Variants in DIAPH3 observed in about 807,000 individuals in gnomAD.
The protein encoded by DIAPH3 is diaphanous related formin 3.
A neutral mutation model predicts 144.3 loss-of-function variants in DIAPH3; 117 were observed. The ratio of observed to expected loss-of-function variants is 0.81; its 90% CI spans 0.70 to 0.95. The LOEUF is 0.95. DIAPH3 is among the 40% of genes least tolerant of loss of function. The pLI, the probability that DIAPH3 is intolerant of heterozygous loss-of-function variation, is 0.00. For synonymous variants in DIAPH3, 519 were observed against 488.9 expected (o/e 1.06, Z -0.81); for missense variants, 1,421 against 1,412.7 (o/e 1.01, Z -0.09).
chr13:59,812,076 A>G (rs2040505187), intron 24 of DIAPH3, among the ~76,000 whole-genome samples: 1 of 152,186 alleles, frequency 6.6e-6, no homozygotes, highest in African/African-American at 2.4e-5. Context: ...TAGGTGGCTT[A>G]TGTTGTTTCG....
chr13:59,831,908 A>G (rs2041799803), intron 24 of DIAPH3, among the ~76,000 whole-genome samples: 2 of 151,834 alleles, frequency 1.3e-5, no homozygotes, highest in African/African-American at 4.8e-5. Flanking sequence ...TTAATACTGA[A>G]AACATTTTTA....
chr13:59,999,542 C>T (rs2052403073), intron 9 of DIAPH3, among the ~76,000 whole-genome samples: 1 of 152,126 alleles, frequency 6.6e-6, no homozygotes, highest in Non-Finnish European at 1.5e-5. Context: ...GCCCCAGCTG[C>T]TACCTTCTGA....
chr13:59,714,613 T>TC (rs1297503940), intron 27 of DIAPH3, among the ~76,000 whole-genome samples: 1 of 152,026 alleles, frequency 6.6e-6, no homozygotes, highest in Non-Finnish European at 1.5e-5. Flanking sequence ...CTTTTTTTTG[T>TC]CCCCCCTTCC....
At position 59,921,390 on chromosome 13, in the gene DIAPH3, T is replaced by C. The variant is rs763820071; in HGVS notation, c.2170+3385A>G. 6.9e-4 allele frequency among the ~76,000 whole-genome samples: 104 copies of C among 151,150 alleles called. 1 individual carries two copies. Among genetic ancestry groups the C allele is most frequent in the Admixed American group, 9.9e-4 (15 of 15,184 alleles). On this transcript the variant is annotated intron_variant, in intron 18 of 27. Transcript: ENST00000400324. Reference sequence around the variant, plus strand: ...ATAAATATAGTCATAAATGAAAAGATATTACAACTGACACCACAAAAATAA... The same window carrying C: ...ATAAATATAGTCATAAATGAAAAGACATTACAACTGACACCACAAAAATAA...
intron 1 of DIAPH3, among the ~76,000 whole-genome samples, chr13:60,160,207 G>T (rs1284850003): frequency 6.6e-6 from 1 of 152,078 alleles, no homozygotes; most frequent in Non-Finnish European, 1.5e-5. Flanking sequence ...CTGGGCGACA[G>T]AGCAAGACTC....
At chr13:59,978,958 G>A (rs1422318196) in intron 14 of DIAPH3, among the ~76,000 whole-genome samples, 1 of 151,510 alleles carries the variant, frequency 6.6e-6, no homozygotes, top group Non-Finnish European at 1.5e-5. Flanking sequence ...TCAAATTTAT[G>A]CACCAAAATA....
chr13:59,802,376 T>C (rs1593898769), intron 25 of DIAPH3, among the ~76,000 whole-genome samples: 1 of 151,944 alleles, frequency 6.6e-6, no homozygotes, highest in Non-Finnish European at 1.5e-5. Context: ...GCCTAAAGAT[T>C]AAGTTTTCTC....
intron 13 of DIAPH3, 64 bp from the exon 14 acceptor site, chr13:59,980,923 G>C: frequency 7.5e-7 from 1 of 1,337,952 alleles, no homozygotes; most frequent in African/African-American, 1.5e-5. Flanking sequence ...GACTTCAAAA[G>C]TTTAGAAAGA....
chr13:59,908,937 T>G (rs989697755), intron 20 of DIAPH3, among the ~76,000 whole-genome samples: 5 of 152,174 alleles, frequency 3.3e-5, no homozygotes, highest in Admixed American at 1.3e-4. Flanking sequence ...CTCTTGACTT[T>G]TTCTTATATC....
chr13:59,825,721 T>C (rs2041368975), intron 24 of DIAPH3, among the ~76,000 whole-genome samples: 1 of 152,186 alleles, frequency 6.6e-6, no homozygotes, highest in Non-Finnish European at 1.5e-5. Context: ...TTTTAATAAT[T>C]GCCATTCTAA....
chr13:60,071,027 T>C (rs971553071), intron 4 of DIAPH3, among the ~76,000 whole-genome samples: 4 of 152,206 alleles, frequency 2.6e-5, no homozygotes, highest in Non-Finnish European at 4.4e-5. Context: ...CAAATGTTTC[T>C]TTTTCTTAAA....
At chr13:59,730,121 A>G (rs920141523) in intron 27 of DIAPH3, among the ~76,000 whole-genome samples, 2 of 152,108 alleles carry the variant, frequency 1.3e-5, no homozygotes, top group African/African-American at 4.8e-5. Context: ...TAAATGTGAC[A>G]TTTCACATAA....
intron 20 of DIAPH3, among the ~76,000 whole-genome samples, chr13:59,898,592 C>T (rs2046259018): frequency 6.6e-6 from 1 of 152,126 alleles, no homozygotes; most frequent in Non-Finnish European, 1.5e-5. Flanking sequence ...CTTATTCATT[C>T]ATCAATATTT....
At chr13:59,985,558 GT>G (rs2051344480) in intron 12 of DIAPH3, among the ~76,000 whole-genome samples, 2 of 65,314 alleles carry the variant, frequency 3.1e-5, no homozygotes, top group African/African-American at 6.8e-5. Context: ...CGACATGATT[GT>G]TTATCTAGAA....
chr13:59,911,236 TAAAATAAAA>T (rs2046982399), intron 20 of DIAPH3, among the ~76,000 whole-genome samples: 1 of 152,156 alleles, frequency 6.6e-6, no homozygotes, highest in African/African-American at 2.4e-5. Flanking sequence ...CCAGCTTCTA[TAAAATAAAA>T]GGCTGGAGCA....
chr13:59,672,102 T>C (rs962733716), intron 27 of DIAPH3, among the ~76,000 whole-genome samples: 1 of 152,176 alleles, frequency 6.6e-6, no homozygotes. Context: ...AATGAGGAAA[T>C]ATTTCAGCCA....
At chr13:60,048,073 G>A (rs904127329) in intron 4 of DIAPH3, among the ~76,000 whole-genome samples, 4 of 152,238 alleles carry the variant, frequency 2.6e-5, no homozygotes, top group Non-Finnish European at 4.4e-5. Context: ...GCCTGCACAT[G>A]CAGTGGATTG....
intron 14 of DIAPH3, among the ~76,000 whole-genome samples, chr13:59,976,471 C>T (rs1175709327): frequency 3.3e-5 from 5 of 151,544 alleles, no homozygotes; most frequent in Non-Finnish European, 5.9e-5. Flanking sequence ...GACTACCATG[C>T]AGAACAATAT....
At chr13:59,860,015 C>T (rs1449045969) in intron 22 of DIAPH3, among the ~76,000 whole-genome samples, 1 of 151,956 alleles carries the variant, frequency 6.6e-6, no homozygotes, top group Non-Finnish European at 1.5e-5. Flanking sequence ...AAGTAAAAGG[C>T]TTATTTTTTG....
Sources: gnomAD v4.1 joint callset for allele counts (sites outside exome capture counted in the v4.1 genomes callset) on GRCh38, gnomAD v4.1.1 for gene constraint, MANE v1.5 for transcripts, NCBI Gene and HGNC (gene_info 2026-07-23, HGNC 2026-07-21) for gene names.